The following RTL4 variants were observed in gnomAD, a reference collection of about 807,000 sequenced individuals.
The protein encoded by RTL4 is retrotransposon Gag-like protein 4.
Under a neutral mutation model 5.3 loss-of-function variants are expected in RTL4, and 4 were observed. That is an observed-to-expected ratio of 0.75 (90% CI 0.37 to 1.72). The LOEUF is 1.72. RTL4 is among the 40% of genes most tolerant of loss of function. The pLI, the probability that RTL4 is intolerant of heterozygous loss-of-function variation, is 0.04. For synonymous variants in RTL4, 98 were observed against 87.3 expected (o/e 1.12, Z -0.68); for missense variants, 260 against 227.1 (o/e 1.14, Z -0.93).
At chrX:112,371,823 C>A in the RTL4 span, among the ~76,000 whole-genome samples, 1 of 111,694 alleles carries the variant, frequency 9.0e-6, no homozygotes, top group Admixed American at 9.5e-5. Flanking sequence ...TATTTAGATC[C>A]TAATTCACAA....
At chrX:112,228,015 T>A in the RTL4 span, among the ~76,000 whole-genome samples, 1 of 111,462 alleles carries the variant, frequency 9.0e-6, no homozygotes, top group Non-Finnish European at 1.9e-5. Flanking sequence ...TCTGCTAGTC[T>A]GCACTGAAAA....
chrX:112,254,964 A>G, the RTL4 span, among the ~76,000 whole-genome samples: 1 of 112,052 alleles, frequency 8.9e-6, no homozygotes, highest in Non-Finnish European at 1.9e-5. Flanking sequence ...CAAGTAATAC[A>G]AAACTTTTTT....
chrX:112,083,688 C>T, the RTL4 span, among the ~76,000 whole-genome samples: 1 of 111,533 alleles, frequency 9.0e-6, no homozygotes, highest in Non-Finnish European at 1.9e-5. Context: ...GGCGGTGTCA[C>T]CGGACACTTG....
the RTL4 span, among the ~76,000 whole-genome samples, chrX:112,128,074 T>TAA: frequency 9.0e-6 from 1 of 111,595 alleles, no homozygotes; most frequent in African/African-American, 3.2e-5. Context: ...GACCTACAAA[T>TAA]GCTTAAGGAT....
chrX:112,376,677 C>T, the RTL4 span, among the ~76,000 whole-genome samples: 3 of 111,396 alleles, frequency 2.7e-5, no homozygotes, highest in Non-Finnish European at 3.8e-5. Context: ...AAATAATAAG[C>T]CTCAATACTA....
At chrX:112,327,321 G>A in the RTL4 span, among the ~76,000 whole-genome samples, 1 of 112,204 alleles carries the variant, frequency 8.9e-6, no homozygotes, top group Non-Finnish European at 1.9e-5. Context: ...AGGAGCTGAT[G>A]GAGCTGAAAA....
chrX:112,428,911 C>T, the RTL4 span, among the ~76,000 whole-genome samples: 1 of 111,199 alleles, frequency 9.0e-6, no homozygotes, highest in Non-Finnish European at 1.9e-5. Context: ...TCCCCTTTAC[C>T]CCTAATAACT....
chrX:112,106,807 GTCT>G, the RTL4 span, among the ~76,000 whole-genome samples: 1 of 111,946 alleles, frequency 8.9e-6, no homozygotes, highest in Non-Finnish European at 1.9e-5. Flanking sequence ...TCATTTGTAT[GTCT>G]TCTTTTGAGA....
the RTL4 span, among the ~76,000 whole-genome samples, chrX:112,399,656 A>C: frequency 9.9e-5 from 11 of 111,507 alleles, no homozygotes; most frequent in Admixed American, 1.0e-3. Flanking sequence ...GGCGATAAGA[A>C]AAGTGTATAT....
At chrX:112,170,259 T>C in the RTL4 span, among the ~76,000 whole-genome samples, 1 of 112,266 alleles carries the variant, frequency 8.9e-6, no homozygotes, top group Non-Finnish European at 1.9e-5. Context: ...TTTGATATCA[T>C]ATGAATTGTG....
chrX:112,264,431 A>G, the RTL4 span, among the ~76,000 whole-genome samples: 1 of 111,930 alleles, frequency 8.9e-6, no homozygotes, highest in African/African-American at 3.2e-5. Context: ...GATAAGAAGG[A>G]AGAAGAGTTA....
chrX:112,280,316 G>A, the RTL4 span, among the ~76,000 whole-genome samples: 1 of 111,188 alleles, frequency 9.0e-6, no homozygotes, highest in Non-Finnish European at 1.9e-5. Context: ...ACTACTGGAA[G>A]AGGAAGAAAG....
chrX:112,084,882 ATAAGGT>A, the RTL4 span, among the ~76,000 whole-genome samples: 1 of 111,934 alleles, frequency 8.9e-6, no homozygotes, highest in Non-Finnish European at 1.9e-5. Context: ...TGGACTGTGG[ATAAGGT>A]TAAAATTTCT....
chrX:112,205,026 A>ATTT, the RTL4 span, among the ~76,000 whole-genome samples: 3 of 111,482 alleles, frequency 2.7e-5, no homozygotes, highest in African/African-American at 9.8e-5. Context: ...TTGATCTTTT[A>ATTT]TTTTGCAACC....
At chrX:112,394,272 T>C in the RTL4 span, among the ~76,000 whole-genome samples, 1 of 111,661 alleles carries the variant, frequency 9.0e-6, no homozygotes, top group African/African-American at 3.3e-5. Context: ...ATAATGCATG[T>C]ACCTGAATGT....
At chrX:112,413,236 G>T in the RTL4 span, among the ~76,000 whole-genome samples, 1 of 111,697 alleles carries the variant, frequency 9.0e-6, no homozygotes, top group Admixed American at 9.5e-5. Flanking sequence ...GGAGAAAAGA[G>T]AACCCATGCA....
At chrX:112,434,519 A>G in the RTL4 span, among the ~76,000 whole-genome samples, 1 of 111,764 alleles carries the variant, frequency 8.9e-6, no homozygotes, top group Non-Finnish European at 1.9e-5. Context: ...GTTTATTTGC[A>G]TAGAGGTGTT....
chrX:112,345,935 A>T, the RTL4 span, among the ~76,000 whole-genome samples: 1 of 111,850 alleles, frequency 8.9e-6, no homozygotes, highest in Non-Finnish European at 1.9e-5. Context: ...ATGAAAAAGG[A>T]TGTTTATGAT....
the RTL4 span, among the ~76,000 whole-genome samples, chrX:112,110,967 G>A: frequency 3.6e-5 from 4 of 111,898 alleles, no homozygotes; most frequent in Admixed American, 1.9e-4. Context: ...TGATGGGAAG[G>A]CTATGGGTTG....
Sources: allele counts gnomAD v4.1 joint callset (sites outside exome capture counted in the v4.1 genomes callset), GRCh38; gene constraint gnomAD v4.1.1; transcripts MANE v1.5; gene names NCBI Gene and HGNC (gene_info 2026-07-23, HGNC 2026-07-21).